Variants in HOXA3 observed in about 807,000 individuals in gnomAD.
HOXA3 encodes homeobox A3.
In HOXA3, 8 loss-of-function variants were observed where a neutral mutation model predicts 30.3. The ratio of observed to expected loss-of-function variants is 0.26; its 90% confidence interval spans 0.15 to 0.48. The LOEUF (loss-of-function observed/expected upper bound fraction) is 0.48, where lower values mean the gene tolerates loss of function less well. Among genes scored for constraint, HOXA3 ranks in the 20% least tolerant of loss-of-function variants. The pLI is 0.99. For synonymous variants in HOXA3, 323 were observed against 273.1 expected (o/e 1.18, Z -1.80); for missense variants, 653 against 614.4 (o/e 1.06, Z -0.66).
At chr7:27,116,479 T>G (rs1784729532) in intron 4 of HOXA3, 1 of 152,314 alleles carries the variant, frequency 6.6e-6, no homozygotes, top group South Asian at 2.1e-4. Context: ...TGATATCTAA[T>G]AGTTTAGCAT....
chr7:27,147,759 C>G, intron 1 of HOXA3: 1 of 1,599,674 alleles, frequency 6.3e-7, no homozygotes, highest in Non-Finnish European at 8.5e-7. Context: ...TTTGCGCGCC[C>G]CTCTGCAGGA....
At chr7:27,122,516 G>T (rs1334803324) in intron 4 of HOXA3, 43 bp downstream of exon 4, 3 of 152,214 alleles carry the variant, frequency 2.0e-5, no homozygotes, top group Non-Finnish European at 4.4e-5. Flanking sequence ...AACCGCCCTG[G>T]TGCAAAGTCC....
chr7:27,136,645 GC>G (rs1461703312), intron 2 of HOXA3, among the ~76,000 whole-genome samples: 1 of 152,166 alleles, frequency 6.6e-6, no homozygotes, highest in Non-Finnish European at 1.5e-5. Context: ...AGTGAACTGC[GC>G]GGGCGTCATT....
chr7:27,152,179 A>T (rs1443507964), intron 1 of HOXA3, 109 bp downstream of exon 1: 1 of 471,484 alleles, frequency 2.1e-6, no homozygotes, highest in Non-Finnish European at 3.5e-6. Context: ...AGTATGGGTA[A>T]GGGGGAGTAT....
chr7:27,132,372 T>C (rs1395227795), intron 2 of HOXA3, among the ~76,000 whole-genome samples: 2 of 152,256 alleles, frequency 1.3e-5, no homozygotes, highest in Non-Finnish European at 2.9e-5. Flanking sequence ...GTTACTCATA[T>C]GAGTTACTAA....
intron 2 of HOXA3, chr7:27,128,999 A>G (rs1785397397): frequency 1.7e-6 from 1 of 594,242 alleles, no homozygotes. Context: ...TCGGGCCAGC[A>G]GGTTGTTCCA....
chr7:27,130,125 G>T, intron 2 of HOXA3: 1 of 1,601,476 alleles, frequency 6.2e-7, no homozygotes, highest in South Asian at 1.1e-5. Context: ...TACCGGCGCT[G>T]ACATGGATCT....
chr7:27,133,659 C>T (rs1267994762), intron 2 of HOXA3, among the ~76,000 whole-genome samples: 2 of 152,226 alleles, frequency 1.3e-5, no homozygotes, highest in East Asian at 1.9e-4. Flanking sequence ...TGAAGGGAGT[C>T]GGAGGGAGAG....
At chr7:27,142,297 G>A (rs1782599391) in intron 1 of HOXA3, among the ~76,000 whole-genome samples, 1 of 152,180 alleles carries the variant, frequency 6.6e-6, no homozygotes, top group Admixed American at 6.5e-5. Flanking sequence ...CCCATCTGAG[G>A]CTGGGGCCGT....
At chr7:27,124,745 C>A (rs3801320) in intron 3 of HOXA3, 31,858 of 152,092 alleles carry the variant, frequency 0.21, 4,469 homozygotes, top group African/African-American at 0.39. Flanking sequence ...ATCTCCCTTG[C>A]ACAGGCGCTA....
intron 5 of HOXA3, among the ~76,000 whole-genome samples, chr7:27,109,367 A>G (rs1481184085): frequency 3.3e-5 from 5 of 152,086 alleles, no homozygotes; most frequent in Admixed American, 2.0e-4. Flanking sequence ...CTAATCTTGT[A>G]CCCTTCTGTC....
At chr7:27,130,200 G>A (rs13246087) in intron 2 of HOXA3, 7 of 1,566,520 alleles carry the variant, frequency 4.5e-6, no homozygotes, top group Non-Finnish European at 6.0e-6. Flanking sequence ...TGTCGGCCAA[G>A]AGCAGCGGGC....
At chr7:27,114,865 T>C (rs1037431735) in intron 4 of HOXA3, among the ~76,000 whole-genome samples, 1 of 82,652 alleles carries the variant, frequency 1.2e-5, no homozygotes, top group African/African-American at 4.8e-5. Flanking sequence ...ATATATATAA[T>C]ATATATTATA....
intron 4 of HOXA3, among the ~76,000 whole-genome samples, chr7:27,114,744 T>TACACACACACACACAC (rs70994629): frequency 0.23 from 21,457 of 93,234 alleles, 3,824 homozygotes; most frequent in East Asian, 0.44. Flanking sequence ...ACCGACATCA[T>TACACACACACACACAC]ACACACACAC....
chr7:27,142,194 T>C, intron 1 of HOXA3: 1 of 1,248,630 alleles, frequency 8.0e-7, no homozygotes, highest in Non-Finnish European at 1.1e-6. Context: ...GCTCAACAAG[T>C]TCTGCCTACC....
At chr7:27,134,527 A>T (rs1322594293) in intron 2 of HOXA3, among the ~76,000 whole-genome samples, 1 of 152,234 alleles carries the variant, frequency 6.6e-6, no homozygotes, top group Non-Finnish European at 1.5e-5. Context: ...AAGCACAATA[A>T]AAAGGTTTTT....
chr7:27,114,791 T>A (rs1386940846), intron 4 of HOXA3, among the ~76,000 whole-genome samples: 3 of 34,400 alleles, frequency 8.7e-5, no homozygotes, highest in African/African-American at 2.4e-4. Context: ...AATATGTGGT[T>A]TCTCAAACGG....
Position 27,107,767 on chromosome 7 carries a change from A to C in HOXA3, c.*148T>G. 1 of 553,838 alleles carries C rather than the reference A, an allele frequency of 1.8e-6. No individual in the cohort carries two copies. Among genetic ancestry groups the C allele is most frequent in the Non-Finnish European group, 3.0e-6 (1 of 329,808 alleles). The allele number at this position is 553,838 out of a possible 1,614,324, so 34.3% of individuals were successfully genotyped here. A position where few individuals can be genotyped will look rare whatever the true frequency, so the allele number is the denominator to read the frequency against. ...AAAACGCCTTACCAACGAGGGGGGA[A>C]ACCGGGAAACGGAGTGCGGGGCGGA... is the stretch of plus-strand genomic sequence containing the variant. On this transcript the variant is annotated 3_prime_UTR_variant, in exon 6 of 6. Coordinates refer to ENST00000612286, the MANE Select transcript of HOXA3 (RefSeq NM_153631.3).
At chr7:27,109,163 C>T (rs1784218692) in intron 5 of HOXA3, among the ~76,000 whole-genome samples, 2 of 152,214 alleles carry the variant, frequency 1.3e-5, no homozygotes, top group African/African-American at 4.8e-5. Flanking sequence ...TAGGCAGTAG[C>T]TTCAACTGGC....
Sources: allele counts gnomAD v4.1 joint callset (sites outside exome capture counted in the v4.1 genomes callset), GRCh38; gene constraint gnomAD v4.1.1; transcripts MANE v1.5; gene names NCBI Gene and HGNC (gene_info 2026-07-23, HGNC 2026-07-21).